CEP85L: variants seen among roughly 807,000 people sequenced by gnomAD.
CEP85L encodes centrosomal protein 85L, also known as centrosomal protein of 85 kDa-like.
A neutral mutation model predicts 100.3 loss-of-function variants in CEP85L; 60 were observed. That is an observed-to-expected ratio of 0.60 (90% CI 0.49 to 0.74). CEP85L has a LOEUF of 0.74. Among genes scored for constraint, CEP85L ranks in the 30% least tolerant of loss-of-function variants. The pLI, the probability that CEP85L is intolerant of heterozygous loss-of-function variation, is 0.00. For synonymous variants in CEP85L, 319 were observed against 322.7 expected (o/e 0.99, Z 0.12); for missense variants, 973 against 936.2 (o/e 1.04, Z -0.51).
chr6:118,538,132 T>A (rs1487113764), intron 3 of CEP85L: 5 of 186,490 alleles, frequency 2.7e-5, no homozygotes, highest in African/African-American at 1.2e-4. Context: ...ATGGAGTGCA[T>A]TATTACGTAT....
Position 118,559,038 on chromosome 6 carries a change from A to G in CEP85L, c.1020+6491T>C, listed in dbSNP as rs776969887. ...TATTTATCAATTTCTGTCTCATCTT[A>G]ATATGTCTCTTGCTGATCTGTATCA... On this transcript the variant is annotated intron_variant, in intron 3 of 12. Transcript: ENST00000368491. The G allele has an allele frequency of 2.5e-6, 4 of 1,611,244 alleles. No homozygotes were observed. The South Asian group carries it at 4.4e-5, about 18-fold the overall frequency.
At chr6:118,539,431 T>C (rs1369971860) in intron 3 of CEP85L, among the ~76,000 whole-genome samples, 1 of 152,208 alleles carries the variant, frequency 6.6e-6, no homozygotes, top group Non-Finnish European at 1.5e-5. Flanking sequence ...GTAAGTACAC[T>C]CTACGATGTT....
intron 1 of CEP85L, among the ~76,000 whole-genome samples, chr6:118,635,881 C>T (rs1774461174): frequency 1.3e-5 from 2 of 152,150 alleles, no homozygotes; most frequent in South Asian, 4.1e-4. Flanking sequence ...GGAGGAAAGC[C>T]CACTGTACAT....
chr6:118,567,256 T>TAC (rs1779602751), intron 2 of CEP85L, among the ~76,000 whole-genome samples: 5 of 54,164 alleles, frequency 9.2e-5, no homozygotes, highest in Admixed American at 9.2e-4. Context: ...TGTGTATATA[T>TAC]ATATATATAT....
chr6:118,696,218 T>A (rs1318770182), intron 1 of CEP85L, among the ~76,000 whole-genome samples: 2 of 151,276 alleles, frequency 1.3e-5, no homozygotes, highest in African/African-American at 4.9e-5. Context: ...TGAGCTGAGA[T>A]CACACCACTG....
Position 118,651,350 on chromosome 6 carries a change from C to A in CEP85L, c.-81G>T. ...CTGCTTCTTCGGCGGCGGAAACTTG[C>A]GCGGAGCGTGGGCCTCGGCGACACG... is the stretch of plus-strand genomic sequence containing the variant. On this transcript the variant is annotated 5_prime_UTR_variant, in exon 1 of 13. Coordinates refer to ENST00000368491, the MANE Select transcript of CEP85L (RefSeq NM_001042475.3). The A allele has an allele frequency of 7.2e-7, 1 of 1,385,632 alleles. No homozygotes were observed. The highest frequency in any genetic ancestry group is 9.3e-7 in the Non-Finnish European group (1 of 1,070,468). The allele number at this position is 1,385,632 out of a possible 1,614,324, so 85.8% of individuals were successfully genotyped here.
intron 2 of CEP85L, among the ~76,000 whole-genome samples, chr6:118,604,373 A>G (rs997385797): frequency 1.3e-5 from 2 of 152,232 alleles, no homozygotes; most frequent in African/African-American, 4.8e-5. Context: ...GTTCACACAC[A>G]GAATCTCTCT....
chr6:118,485,111 C>T (rs1774081658), intron 6 of CEP85L, among the ~76,000 whole-genome samples: 2 of 152,128 alleles, frequency 1.3e-5, no homozygotes, highest in Non-Finnish European at 2.9e-5. Flanking sequence ...CTTTTTACCC[C>T]CTACTACATG....
chr6:118,491,063 A>C (rs993535118), intron 6 of CEP85L, among the ~76,000 whole-genome samples: 1 of 152,126 alleles, frequency 6.6e-6, no homozygotes, highest in African/African-American at 2.4e-5. Context: ...TGCTGGATCA[A>C]ATGGTAGCTC....
intron 2 of CEP85L, among the ~76,000 whole-genome samples, chr6:118,624,862 T>C (rs1773682200): frequency 1.3e-5 from 2 of 152,160 alleles, no homozygotes; most frequent in Admixed American, 1.3e-4. Flanking sequence ...ACACTCCAAG[T>C]CCATATAAGA....
At chr6:118,600,300 G>GGGGGGGGT (rs1562297733) in intron 2 of CEP85L, among the ~76,000 whole-genome samples, 6 of 52,246 alleles carry the variant, frequency 1.1e-4, no homozygotes, top group Non-Finnish European at 2.0e-4. Flanking sequence ...CCTTCCTGGG[G>GGGGGGGGT]GTGTGTGTGT....
upstream of CEP85L, among the ~76,000 whole-genome samples, chr6:118,653,827 G>T (rs1775681251): frequency 6.6e-6 from 1 of 151,604 alleles, no homozygotes; most frequent in Admixed American, 6.6e-5. Context: ...TTTGGGAGGG[G>T]ACTTTTTAAG....
chr6:118,600,869 T>C (rs1781750891), intron 2 of CEP85L, among the ~76,000 whole-genome samples: 1 of 152,104 alleles, frequency 6.6e-6, no homozygotes, highest in Admixed American at 6.6e-5. Context: ...GTGTGTTCAA[T>C]TTGCCATCTT....
rs59278037 is a variant in CEP85L, at chr6:118,600,300, GGTGTGTGTGTGTGTGTGTGTGTGT to G, written c.232+32129_232+32152del. ...CTGCCTGTCCCTGAGCCTTCCTGGG[GGTGTGTGTGTGTGTGTGTGTGTGT>G]GTGTGTGTGTGTGTGTGTGTGTGTG... On this transcript the variant is annotated intron_variant, in intron 2 of 12. Transcript: ENST00000368491. 1.7e-4 allele frequency among the ~76,000 whole-genome samples: 9 copies of G among 52,246 alleles called. 2 individuals carry two copies. Among genetic ancestry groups the G allele is most frequent in the East Asian group, 1.2e-3 (2 of 1,682 alleles). 34.3% of individuals were successfully genotyped at this position (52,246 alleles called of 152,430 possible).
intron 5 of CEP85L, among the ~76,000 whole-genome samples, chr6:118,498,788 C>A (rs933406119): frequency 2.6e-5 from 4 of 152,134 alleles, no homozygotes; most frequent in Non-Finnish European, 5.9e-5. Context: ...CATCTGTAGA[C>A]TACTCATCCA....
chr6:118,577,843 C>G (rs1780332630), intron 2 of CEP85L, among the ~76,000 whole-genome samples: 1 of 152,150 alleles, frequency 6.6e-6, no homozygotes, highest in Non-Finnish European at 1.5e-5. Context: ...GACTCATAAC[C>G]TTTACTCCCC....
chr6:118,651,851 C>G (rs868674038), upstream of CEP85L: 3 of 985,478 alleles, frequency 3.0e-6, no homozygotes, highest in Non-Finnish European at 2.4e-6. Context: ...GCCTATTTTG[C>G]GATACTCGCC....
intron 4 of CEP85L, among the ~76,000 whole-genome samples, chr6:118,515,990 A>G (rs962378481): frequency 2.0e-5 from 3 of 152,148 alleles, no homozygotes; most frequent in Non-Finnish European, 4.4e-5. Flanking sequence ...ATGAGTGAGA[A>G]CATGTGGTGT....
chr6:118,528,656 A>C (rs1437203281), intron 3 of CEP85L, among the ~76,000 whole-genome samples: 2 of 152,198 alleles, frequency 1.3e-5, no homozygotes, highest in Admixed American at 1.3e-4. Flanking sequence ...CTGTAGGTTG[A>C]CTTAAAAGTA....
Sources: gnomAD v4.1 joint callset for allele counts (sites outside exome capture counted in the v4.1 genomes callset) on GRCh38, gnomAD v4.1.1 for gene constraint, MANE v1.5 for transcripts, NCBI Gene and HGNC (gene_info 2026-07-23, HGNC 2026-07-21) for gene names.